Variants in VPS13A observed in about 807,000 individuals in gnomAD.
VPS13A encodes the protein intermembrane lipid transfer protein VPS13A.
In VPS13A, 264 loss-of-function variants were observed where a neutral mutation model predicts 390.9. The ratio of observed to expected loss-of-function variants is 0.68; its 90% confidence interval spans 0.61 to 0.75. The LOEUF (loss-of-function observed/expected upper bound fraction) is 0.75, where lower values mean the gene tolerates loss of function less well. VPS13A is among the 30% of genes least tolerant of loss of function. VPS13A has a pLI of 0.00. For missense variants in VPS13A, 3,409 were observed against 3,733.9 expected (o/e 0.91, Z 2.27); for synonymous variants, 1,231 against 1,227.1 (o/e 1.00, Z -0.07).
chr9:77,252,463 T>C, intron 22 of VPS13A, 111 bp downstream of exon 22: 1 of 895,894 alleles, frequency 1.1e-6, no homozygotes, highest in Non-Finnish European at 1.9e-6. Context: ...TGTATATAAC[T>C]GACTCTTCCT....
At chr9:77,219,922 TCA>T (rs1491478996) in intron 10 of VPS13A, 30 bp from the exon 11 acceptor site, 1 of 1,609,498 alleles carries the variant, frequency 6.2e-7, no homozygotes, top group Non-Finnish European at 8.5e-7. Context: ...GAAATATAAC[TCA>T]GTTTTTTTTC....
At chr9:77,201,513 T>C (rs1825328584) in intron 3 of VPS13A, 106 bp downstream of exon 3, 1 of 1,017,638 alleles carries the variant, frequency 9.8e-7, no homozygotes, top group Non-Finnish European at 1.6e-6. Flanking sequence ...TGAGCATCAA[T>C]TAAAAATAAT....
At chr9:77,213,427 T>G (rs546839444) in intron 9 of VPS13A, 113 bp downstream of exon 9, 1 of 824,012 alleles carries the variant, frequency 1.2e-6, no homozygotes, top group African/African-American at 1.7e-5. Flanking sequence ...GCACAATCTA[T>G]TAGCAGAATT....
chr9:77,377,203 G>GT (rs61562443), intron 67 of VPS13A, among the ~76,000 whole-genome samples: 8,537 of 69,034 alleles, frequency 0.12, 2,646 homozygotes, highest in East Asian at 0.22. Flanking sequence ...TTTTGATGCT[G>GT]TTTTTTTTTT....
intron 68 of VPS13A, among the ~76,000 whole-genome samples, chr9:77,396,098 C>G (rs992507956): frequency 5.3e-5 from 8 of 151,384 alleles, no homozygotes; most frequent in African/African-American, 2.0e-4. Context: ...CTACATTACC[C>G]TTGATGCTCT....
intron 23 of VPS13A, among the ~76,000 whole-genome samples, chr9:77,270,735 G>C (rs1364637979): frequency 6.6e-6 from 1 of 152,072 alleles, no homozygotes; most frequent in African/African-American, 2.4e-5. Flanking sequence ...ATATGTGTTT[G>C]ATTTATTACA....
At chr9:77,389,519 G>A (rs1241703583) in intron 68 of VPS13A, among the ~76,000 whole-genome samples, 2 of 152,010 alleles carry the variant, frequency 1.3e-5, no homozygotes, top group African/African-American at 4.8e-5. Context: ...TGTGGCCCGG[G>A]CTGGTCTTGA....
intron 46 of VPS13A, among the ~76,000 whole-genome samples, chr9:77,335,132 G>C (rs1830472795): frequency 6.6e-6 from 1 of 152,152 alleles, no homozygotes; most frequent in South Asian, 2.1e-4. Flanking sequence ...AAAGGACAGT[G>C]TTGTCTCATA....
intron 17 of VPS13A, among the ~76,000 whole-genome samples, chr9:77,232,324 T>C (rs1410791570): frequency 1.3e-5 from 2 of 152,208 alleles, no homozygotes; most frequent in Non-Finnish European, 2.9e-5. Context: ...TTGATAGGGA[T>C]TGCATTCAGT....
intron 22 of VPS13A, among the ~76,000 whole-genome samples, chr9:77,255,322 C>T (rs1357670411): frequency 6.6e-6 from 1 of 151,976 alleles, no homozygotes; most frequent in South Asian, 2.1e-4. Flanking sequence ...TAATTGCTCT[C>T]TATATATTAA....
At chr9:77,241,795 G>A (rs569784283) in intron 19 of VPS13A, among the ~76,000 whole-genome samples, 26 of 152,158 alleles carry the variant, frequency 1.7e-4, no homozygotes, top group Admixed American at 1.5e-3. Flanking sequence ...AAGAATTCTT[G>A]GGCTACATAC....
At chr9:77,297,501 C>G (rs939332437) in intron 33 of VPS13A, among the ~76,000 whole-genome samples, 11 of 151,594 alleles carry the variant, frequency 7.3e-5, no homozygotes, top group Admixed American at 3.3e-4. Context: ...TTTTTTCCAA[C>G]TCTTTGGAAT....
At position 77,206,066 on chromosome 9, in the gene VPS13A, A is replaced by G; in HGVS notation, c.372A>G (p.Lys124=). ...AAAGAATAGAAGAAGCAAAACAAAA[A>G]GTAGTTGATCAAGGTAAAGAAAACA... is the stretch of plus-strand genomic sequence containing the variant. ...ELKRIEEAKQ[K]VVDQEQHLPE... is the part of the protein sequence containing the mutation. The change falls in exon 5 of 72, where the codon AAA becomes AAG. Residue 124 remains lysine, a synonymous_variant. Transcript: ENST00000360280. The G allele has an allele frequency of 6.3e-7, 1 of 1,574,806 alleles. No homozygotes were observed. Among genetic ancestry groups the G allele is most frequent in the Non-Finnish European group, 8.6e-7 (1 of 1,157,746 alleles).
At chr9:77,363,192 G>T (rs1033215091) in intron 59 of VPS13A, among the ~76,000 whole-genome samples, 1 of 152,014 alleles carries the variant, frequency 6.6e-6, no homozygotes, top group Non-Finnish European at 1.5e-5. Context: ...TGATCTTGGA[G>T]GGTAAATTTT....
intron 69 of VPS13A, among the ~76,000 whole-genome samples, chr9:77,404,556 AAAGGT>A (rs2131650347): frequency 6.6e-6 from 1 of 152,346 alleles, no homozygotes; most frequent in Admixed American, 6.5e-5. Context: ...TGACTAAAGG[AAAGGT>A]AACTAATCAG....
rs181729389 is a variant in VPS13A at position 77,278,249 on chromosome 9, T to G, written c.2825-1910T>G. 8.2e-3 allele frequency among the ~76,000 whole-genome samples: 1,214 copies of G among 148,070 alleles called. 23 individuals are homozygous for G. Among genetic ancestry groups the G allele is most frequent in the African/African-American group, 0.029 (1,165 of 40,482 alleles). On this transcript the variant is annotated intron_variant, in intron 26 of 71. Transcript: ENST00000360280. ...CCACGCCCAGCTAATTTTTTTTTTT[T>G]TTTTTTTTTGTATTTTTAGTAGAGA... is the stretch of plus-strand genomic sequence containing the variant.
intron 68 of VPS13A, among the ~76,000 whole-genome samples, chr9:77,384,343 A>G (rs1474169727): frequency 6.6e-6 from 1 of 151,866 alleles, no homozygotes; most frequent in Non-Finnish European, 1.5e-5. Flanking sequence ...TATATTCACA[A>G]AATACCTTAT....
intron 2 of VPS13A, among the ~76,000 whole-genome samples, chr9:77,200,710 A>G (rs1456490266): frequency 1.3e-5 from 2 of 152,066 alleles, no homozygotes; most frequent in Non-Finnish European, 2.9e-5. Flanking sequence ...TAATCTGATA[A>G]AGACTAGTTC....
intron 45 of VPS13A, among the ~76,000 whole-genome samples, chr9:77,328,360 A>G (rs1056225034): frequency 2.0e-5 from 3 of 152,244 alleles, no homozygotes; most frequent in African/African-American, 7.2e-5. Flanking sequence ...TAGAGTTAGC[A>G]TATTCTTAAA....
Sources: allele counts gnomAD v4.1 joint callset (sites outside exome capture counted in the v4.1 genomes callset), GRCh38; gene constraint gnomAD v4.1.1; transcripts MANE v1.5; gene names NCBI Gene and HGNC (gene_info 2026-07-23, HGNC 2026-07-21).